The following LRTM1 variants were observed in gnomAD, a reference collection of about 807,000 sequenced individuals.
The protein encoded by LRTM1 is leucine-rich repeat and transmembrane domain-containing protein 1.
In LRTM1, 38 loss-of-function variants were observed where a neutral mutation model predicts 32.4. That is an observed-to-expected ratio of 1.17 (90% CI 0.91 to 1.54). The LOEUF (loss-of-function observed/expected upper bound fraction) is 1.54, where lower values mean the gene tolerates loss of function less well. Among genes scored for constraint, LRTM1 ranks in the 40% most tolerant of loss-of-function variants. LRTM1 has a pLI of 0.00. For missense variants in LRTM1, 466 were observed against 415.4 expected (o/e 1.12, Z -1.06); for synonymous variants, 186 against 169.9 (o/e 1.09, Z -0.74).
intron 1 of LRTM1, among the ~76,000 whole-genome samples, chr3:54,927,002 T>A (rs1217548303): frequency 6.6e-6 from 1 of 152,178 alleles, no homozygotes; most frequent in Admixed American, 6.5e-5. Context: ...ATGACAAACA[T>A]CTGCCAAGGG....
intron 1 of LRTM1, among the ~76,000 whole-genome samples, chr3:54,927,577 C>T (rs1701058106): frequency 6.6e-6 from 1 of 152,078 alleles, no homozygotes; most frequent in African/African-American, 2.4e-5. Flanking sequence ...GAGATTGTAG[C>T]CAATTTGTTC....
chr3:54,919,518 G>T (rs1700775073), intron 2 of LRTM1, among the ~76,000 whole-genome samples: 1 of 152,140 alleles, frequency 6.6e-6, no homozygotes, highest in Admixed American at 6.5e-5. Flanking sequence ...TTTGAATACT[G>T]AACTTTCCAG....
At chr3:54,926,211 A>G (rs1329230537) in intron 1 of LRTM1, among the ~76,000 whole-genome samples, 1 of 152,188 alleles carries the variant, frequency 6.6e-6, no homozygotes, top group Non-Finnish European at 1.5e-5. Flanking sequence ...TATAGCATGC[A>G]TTTTGAGCCA....
chr3:54,933,489 A>G (rs143821835), intron 1 of LRTM1, among the ~76,000 whole-genome samples: 1,586 of 152,274 alleles, frequency 0.01, 37 homozygotes, highest in African/African-American at 0.036. Flanking sequence ...CTCACATTCT[A>G]TTAGCCAGAA....
Position 54,918,728 on chromosome 3 carries a change from G to T in LRTM1, c.769C>A (p.Pro257Thr). The change falls in exon 3 of 3, where the codon CCT (proline) becomes ACT (threonine). Residue 257 changes from proline (P) to threonine (T), a missense_variant. Transcript: ENST00000273286. The stretch of plus-strand genomic sequence containing the variant: ...TCCCCCGCGTTGTGGTTCTCAGGAG[G>T]CCTCAGGACCACACCGTGGGCAGAG... ...PGSAHGVVLR[P>T]PENHNAGERE... 1.2e-6 allele frequency: 2 copies of T among 1,614,120 alleles called. No homozygotes were observed. Among genetic ancestry groups the T allele is most frequent in the South Asian group, 1.1e-5 (1 of 91,078 alleles).
At chr3:54,957,343 C>A (rs1406652348) in intron 1 of LRTM1, among the ~76,000 whole-genome samples, 1 of 151,952 alleles carries the variant, frequency 6.6e-6, no homozygotes, top group Non-Finnish European at 1.5e-5. Context: ...GAGATGGGGT[C>A]TCACTCTGTT....
At chr3:54,937,343 AC>A (rs1373571230) in intron 1 of LRTM1, among the ~76,000 whole-genome samples, 3 of 152,292 alleles carry the variant, frequency 2.0e-5, no homozygotes, top group African/African-American at 7.2e-5. Flanking sequence ...AATTCATTAT[AC>A]CACTATGCAA....
chr3:54,957,879 G>A (rs1701940757), intron 1 of LRTM1, among the ~76,000 whole-genome samples: 1 of 152,150 alleles, frequency 6.6e-6, no homozygotes, highest in Non-Finnish European at 1.5e-5. Flanking sequence ...AAATCTATTT[G>A]TGTCTCACAT....
Position 54,944,443 on chromosome 3 carries a change from C to T in LRTM1, c.-221-19228G>A, listed in dbSNP as rs146977869. Among the ~76,000 whole-genome samples the T allele has an allele frequency of 3.0e-3, 433 of 145,718 alleles. 14 individuals carry two copies. The East Asian group carries it at 0.076, about 26-fold the overall frequency. On this transcript the variant is annotated intron_variant, in intron 1 of 2. Coordinates refer to the LRTM1 transcript ENST00000493075. The stretch of plus-strand genomic sequence containing the variant: ...ATTTATTTATTTATTTATTTTGAGA[C>T]GGAATCTCGCTCTGTCGCCCAGGCT...
intron 2 of LRTM1, among the ~76,000 whole-genome samples, chr3:54,922,930 A>G (rs1700896201): frequency 6.6e-6 from 1 of 152,142 alleles, no homozygotes; most frequent in Non-Finnish European, 1.5e-5. Context: ...GTCTTCTCTT[A>G]GTCATCCACT....
At chr3:54,922,581 G>A (rs1288314920) in intron 2 of LRTM1, among the ~76,000 whole-genome samples, 3 of 152,026 alleles carry the variant, frequency 2.0e-5, no homozygotes, top group Admixed American at 6.6e-5. Context: ...ATTCAATATC[G>A]TACGTTTTAA....
chr3:54,942,887 G>T (rs577295309), intron 1 of LRTM1, among the ~76,000 whole-genome samples: 1 of 152,238 alleles, frequency 6.6e-6, no homozygotes, highest in Admixed American at 6.5e-5. Flanking sequence ...AGCCAGGCGC[G>T]GTGGCACGTG....
intron 1 of LRTM1, among the ~76,000 whole-genome samples, chr3:54,966,385 A>G (rs987039254): frequency 2.6e-5 from 4 of 152,220 alleles, no homozygotes; most frequent in African/African-American, 9.6e-5. Context: ...ATTCTCTGAA[A>G]TGTTCTCCAA....
intron 1 of LRTM1, among the ~76,000 whole-genome samples, chr3:54,955,946 A>G (rs1438645294): frequency 3.9e-5 from 6 of 152,126 alleles, no homozygotes; most frequent in Non-Finnish European, 8.8e-5. Flanking sequence ...AAAAATTGGT[A>G]TTCTCCACTC....
chr3:54,933,097 CTTCCTTCCTTCCTTCCTTCTTTCT>C (rs1053271868), intron 1 of LRTM1, among the ~76,000 whole-genome samples: 3 of 99,350 alleles, frequency 3.0e-5, no homozygotes, highest in African/African-American at 8.3e-5. Flanking sequence ...TCCTTCCTTC[CTTCCTTCCTTCCTTCCTTCTTTCT>C]GGACCTCTGC....
chr3:54,937,100 G>A (rs1448740114), intron 1 of LRTM1, among the ~76,000 whole-genome samples: 2 of 152,118 alleles, frequency 1.3e-5, no homozygotes, highest in Non-Finnish European at 2.9e-5. Flanking sequence ...TCTATTTTTG[G>A]TGCTTTCCAC....
In LRTM1 at chr3:54,942,457, T is replaced by C. The variant is rs143446706; in HGVS notation, c.-221-17242A>G. Among the ~76,000 whole-genome samples, 487 of 152,342 alleles carry C rather than the reference T, an allele frequency of 3.2e-3. 1 individual carries two copies. The highest frequency in any genetic ancestry group is 0.011 in the African/African-American group (469 of 41,572). On this transcript the variant is annotated intron_variant, in intron 1 of 2. Transcript: ENST00000493075. ...GGGAAATAGTTTTAGGCCTGAATCT[T>C]GAGGCTGGGACCTTGAATCTGCTGA...
At chr3:54,941,524 T>C (rs1701465530) in intron 1 of LRTM1, among the ~76,000 whole-genome samples, 1 of 152,192 alleles carries the variant, frequency 6.6e-6, no homozygotes, top group African/African-American at 2.4e-5. Flanking sequence ...ATGCCGGGAT[T>C]ATGTGGGTGA....
At chr3:54,947,476 G>A (rs1455521550) in intron 1 of LRTM1, among the ~76,000 whole-genome samples, 2 of 152,168 alleles carry the variant, frequency 1.3e-5, no homozygotes, top group Admixed American at 1.3e-4. Flanking sequence ...TTCTCAGGAG[G>A]CACTGAAGCA....
Sources: allele counts gnomAD v4.1 joint callset (sites outside exome capture counted in the v4.1 genomes callset), GRCh38; gene constraint gnomAD v4.1.1; transcripts MANE v1.5; gene names NCBI Gene and HGNC (gene_info 2026-07-23, HGNC 2026-07-21).